The following TLL1 variants were observed in gnomAD, a reference collection of about 807,000 sequenced individuals.
TLL1 encodes tolloid like 1, also known as tolloid-like protein 1.
In TLL1, 49 loss-of-function variants were observed where a neutral mutation model predicts 128.2. The observed-to-expected ratio is 0.38, with a 90% CI of 0.30 to 0.48. The LOEUF is 0.48. TLL1 is among the 20% of genes least tolerant of loss of function. The pLI is 0.96. For missense variants in TLL1, 1,123 were observed against 1,242.0 expected, an observed-to-expected ratio of 0.90 and a Z score of 1.44; for synonymous variants, 454 against 418.8, an observed-to-expected ratio of 1.08 and a Z score of -1.03.
intron 9 of TLL1, among the ~76,000 whole-genome samples, chr4:166,035,389 C>G (rs1738954524): frequency 6.6e-6 from 1 of 152,020 alleles, no homozygotes; most frequent in Non-Finnish European, 1.5e-5. Context: ...AATAATAATA[C>G]ATAAGAATCT....
At chr4:166,094,149 T>A (rs1391270624) in intron 19 of TLL1, among the ~76,000 whole-genome samples, 1 of 152,148 alleles carries the variant, frequency 6.6e-6, no homozygotes, top group Non-Finnish European at 1.5e-5. Context: ...ACACATAGTT[T>A]ACATAGATAT....
intron 1 of TLL1, among the ~76,000 whole-genome samples, chr4:165,970,129 TAA>T (rs1339693684): frequency 1.3e-5 from 2 of 152,178 alleles, no homozygotes; most frequent in Admixed American, 6.6e-5. Flanking sequence ...TTTTTTGAAT[TAA>T]GTTTGTTAAG....
At chr4:165,975,477 GA>G (rs1326822469) in intron 1 of TLL1, among the ~76,000 whole-genome samples, 1 of 151,836 alleles carries the variant, frequency 6.6e-6, no homozygotes, top group Non-Finnish European at 1.5e-5. Context: ...GCTGTTTAAG[GA>G]AAAAATAATT....
chr4:166,065,594 A>C, intron 15 of TLL1, 89 bp from the exon 16 acceptor site: 1 of 1,451,568 alleles, frequency 6.9e-7, no homozygotes, highest in East Asian at 2.3e-5. Context: ...TAAGAGTAAA[A>C]TGGGAAAAAT....
intron 16 of TLL1, among the ~76,000 whole-genome samples, chr4:166,066,720 G>A (rs892114539): frequency 6.6e-6 from 1 of 151,640 alleles, no homozygotes; most frequent in Non-Finnish European, 1.5e-5. Flanking sequence ...TGAAGTTAAT[G>A]GTTCACAAGC....
At position 165,943,979 on chromosome 4, in the gene TLL1, T is replaced by C. The variant is rs143830733; in HGVS notation, c.170-45402T>C. 1.5e-4 allele frequency among the ~76,000 whole-genome samples: 23 copies of C among 152,286 alleles called. No homozygotes were observed. The East Asian group carries it at 3.3e-3, about 22-fold the overall frequency. The stretch of plus-strand genomic sequence containing the variant: ...TCAGATAAAGTCTTGTTTTATGCTT[T>C]ATGGGCTCAGCTATTTGAGAATAAG... On this transcript the variant is annotated intron_variant, in intron 1 of 20. Coordinates refer to ENST00000061240, the MANE Select transcript of TLL1 (RefSeq NM_012464.5).
chr4:166,000,989 TA>T (rs1737120844), intron 5 of TLL1, among the ~76,000 whole-genome samples: 1 of 152,092 alleles, frequency 6.6e-6, no homozygotes. Context: ...TGAAAATTAT[TA>T]GGCGACTAAA....
chr4:165,911,926 A>G (rs1290188537), intron 1 of TLL1, among the ~76,000 whole-genome samples: 1 of 152,050 alleles, frequency 6.6e-6, no homozygotes, highest in Non-Finnish European at 1.5e-5. Flanking sequence ...CCTAGGCTGG[A>G]GTGCAGTGGC....
At chr4:165,897,167 T>C (rs1290522265) in intron 1 of TLL1, among the ~76,000 whole-genome samples, 1 of 152,164 alleles carries the variant, frequency 6.6e-6, no homozygotes, top group Non-Finnish European at 1.5e-5. Context: ...TTGCAAAAAT[T>C]TTCTCCCATT....
At chr4:166,007,027 G>T (rs889658072) in intron 6 of TLL1, among the ~76,000 whole-genome samples, 2 of 151,578 alleles carry the variant, frequency 1.3e-5, no homozygotes, top group Non-Finnish European at 3.0e-5. Flanking sequence ...AAGTGAATTT[G>T]GAATTCCTTT....
At chr4:165,960,935 C>T (rs559784177) in intron 1 of TLL1, among the ~76,000 whole-genome samples, 1 of 152,218 alleles carries the variant, frequency 6.6e-6, no homozygotes, top group East Asian at 1.9e-4. Flanking sequence ...CTACTCTCAC[C>T]ATTCCTACTT....
At chr4:166,082,596 T>C (rs1741334246) in intron 18 of TLL1, among the ~76,000 whole-genome samples, 1 of 152,136 alleles carries the variant, frequency 6.6e-6, no homozygotes, top group African/African-American at 2.4e-5. Flanking sequence ...ATACAGGAAA[T>C]TTCATCAAGA....
At chr4:165,983,385 C>T (rs1031027368) in intron 1 of TLL1, among the ~76,000 whole-genome samples, 7 of 151,746 alleles carry the variant, frequency 4.6e-5, no homozygotes, top group African/African-American at 1.2e-4. Flanking sequence ...TGTAAAATTA[C>T]GTTAAAACAG....
intron 19 of TLL1, among the ~76,000 whole-genome samples, chr4:166,097,663 C>T (rs769232523): frequency 4.4e-4 from 67 of 152,146 alleles, no homozygotes; most frequent in Non-Finnish European, 8.2e-4. Context: ...CAACAAACCA[C>T]AATATGGGTA....
chr4:166,083,000 C>G (rs934375177), intron 18 of TLL1, among the ~76,000 whole-genome samples: 3 of 152,044 alleles, frequency 2.0e-5, no homozygotes, highest in African/African-American at 7.2e-5. Context: ...TCAACCAAAA[C>G]TGTAATTTAG....
chr4:165,896,030 C>T (rs994147756), intron 1 of TLL1, among the ~76,000 whole-genome samples: 1 of 152,026 alleles, frequency 6.6e-6, no homozygotes, highest in African/African-American at 2.4e-5. Flanking sequence ...GTTTGCTGCA[C>T]CCATCAACCC....
At chr4:166,052,682 T>C (rs545595745) in intron 12 of TLL1, among the ~76,000 whole-genome samples, 2 of 152,234 alleles carry the variant, frequency 1.3e-5, no homozygotes, top group Non-Finnish European at 2.9e-5. Flanking sequence ...TTCTATCTCA[T>C]TCTTTCTCCC....
intron 15 of TLL1, among the ~76,000 whole-genome samples, chr4:166,064,724 C>A (rs1740493847): frequency 6.6e-6 from 1 of 152,052 alleles, no homozygotes; most frequent in South Asian, 2.1e-4. Flanking sequence ...CGGAAACAGT[C>A]TTTTATACTA....
At chr4:166,075,563 A>G in intron 17 of TLL1, among the ~76,000 whole-genome samples, 1 of 152,174 alleles carries the variant, frequency 6.6e-6, no homozygotes, top group East Asian at 1.9e-4. Flanking sequence ...TTTCGTCCCC[A>G]AGGCCTTACA....
Sources: gnomAD v4.1 joint callset for allele counts (sites outside exome capture counted in the v4.1 genomes callset) on GRCh38, gnomAD v4.1.1 for gene constraint, MANE v1.5 for transcripts, NCBI Gene and HGNC (gene_info 2026-07-23, HGNC 2026-07-21) for gene names.